Variants in KIDINS220 observed in about 807,000 individuals in gnomAD.
The protein encoded by KIDINS220 is kinase D-interacting substrate of 220 kDa.
KIDINS220 carries 63 observed loss-of-function variants against 157.6 expected under a neutral mutation model. The observed-to-expected ratio is 0.40, with a 90% CI of 0.33 to 0.49. The LOEUF (loss-of-function observed/expected upper bound fraction) is 0.49. KIDINS220 is among the 20% of genes least tolerant of loss of function. The probability of loss-of-function intolerance (pLI) is 0.66; values close to 1 mark genes in which losing one functional copy is unlikely to be tolerated. For missense variants in KIDINS220, 1,772 were observed against 2,171.2 expected (o/e 0.82, Z 3.65); for synonymous variants, 732 against 783.6 (o/e 0.93, Z 1.10).
chr2:8,764,851 A>C (rs1031267300), intron 22 of KIDINS220, among the ~76,000 whole-genome samples: 1 of 152,236 alleles, frequency 6.6e-6, no homozygotes, highest in African/African-American at 2.4e-5. Flanking sequence ...TAGAAGCAAA[A>C]AAATTCAGCA....
intron 13 of KIDINS220, 85 bp from the exon 14 acceptor site, chr2:8,790,144 C>A: frequency 2.4e-6 from 3 of 1,251,830 alleles, no homozygotes; most frequent in Non-Finnish European, 3.3e-6. Flanking sequence ...TTCACATTTT[C>A]AATGTAAACA....
intron 28 of KIDINS220, among the ~76,000 whole-genome samples, chr2:8,734,002 T>C (rs1006234392): frequency 6.6e-6 from 1 of 151,820 alleles, no homozygotes; most frequent in Non-Finnish European, 1.5e-5. Context: ...TGGCCAGGAG[T>C]AGGGCGGTAG....
In KIDINS220 at chr2:8,730,669, A is replaced by C; in HGVS notation, c.*51T>G. ...GGCGTGGATGGAGTCAAAATCCAGG[A>C]CAATTCTGTCATAAAGGTACAGTAA... On this transcript the variant is annotated 3_prime_UTR_variant, in exon 30 of 30. Transcript: ENST00000256707. 1 of 1,556,860 alleles carries C rather than the reference A, an allele frequency of 6.4e-7. No individual in the cohort carries two copies. Among genetic ancestry groups the C allele is most frequent in the South Asian group, 1.2e-5 (1 of 80,774 alleles).
rs774557577 is a variant in KIDINS220, at chr2:8,770,716, T to C, written c.2965A>G (p.Thr989Ala). 2.0e-5 allele frequency: 32 copies of C among 1,610,120 alleles called. No individual in the cohort carries two copies. In the Middle Eastern group the frequency reaches 4.9e-4, roughly 25 times the overall value. The change falls in exon 22 of 30, where the codon ACT (threonine) becomes GCT (alanine). Residue 989 changes from threonine to alanine, a missense_variant. This residue lies in a region of KIDINS220 where 725 missense variants were observed against 1,017.1 expected (regional missense o/e 0.71). Coordinates refer to ENST00000256707, the MANE Select transcript of KIDINS220 (RefSeq NM_020738.4). Reference sequence around the variant, plus strand: ...GTCATTTGATCTGGAATACCTTCAGTCTCTTCCAAATATAATATGAGCCAT... The same window carrying C: ...GTCATTTGATCTGGAATACCTTCAGCCTCTTCCAAATATAATATGAGCCAT... Reference protein sequence around the residue: ...TSWLILYLEETEGIPDQMTLK... With the variant: ...TSWLILYLEEAEGIPDQMTLK...
intron 4 of KIDINS220, among the ~76,000 whole-genome samples, chr2:8,814,905 C>A (rs1445956644): frequency 6.6e-6 from 1 of 152,112 alleles, no homozygotes; most frequent in Non-Finnish European, 1.5e-5. Context: ...TGCAACTGAA[C>A]ACGAGAAACA....
intron 21 of KIDINS220, among the ~76,000 whole-genome samples, chr2:8,775,996 C>T (rs769474248): frequency 3.3e-5 from 5 of 152,168 alleles, no homozygotes; most frequent in Non-Finnish European, 7.3e-5. Context: ...TAAATGAATA[C>T]ATATATGTTG....
intron 7 of KIDINS220, among the ~76,000 whole-genome samples, chr2:8,805,197 C>T (rs1553332039): frequency 6.6e-6 from 1 of 152,210 alleles, no homozygotes; most frequent in Non-Finnish European, 1.5e-5. Context: ...CCTCCCAGTA[C>T]GGGGATGTGT....
chr2:8,796,099 GA>G (rs955073641), intron 11 of KIDINS220, among the ~76,000 whole-genome samples: 83 of 152,102 alleles, frequency 5.5e-4, no homozygotes, highest in African/African-American at 1.9e-3. Flanking sequence ...ATAACTAATA[GA>G]AAAACAAACT....
chr2:8,724,781 C>G (rs1663170905), downstream of KIDINS220: 1 of 152,232 alleles, frequency 6.6e-6, no homozygotes, highest in African/African-American at 2.4e-5. This position sits in a 1 kb window ranked among gnomAD's most constrained non-coding sequence, Gnocchi z 4.6. Flanking sequence ...TGCACACCAC[C>G]ATTCCTGGCT....
intron 14 of KIDINS220, among the ~76,000 whole-genome samples, chr2:8,789,347 G>C (rs13411164): frequency 0.012 from 607 of 52,734 alleles, 1 homozygote; most frequent in Non-Finnish European, 0.028. Flanking sequence ...GAGAGCAGTG[G>C]CGCCATCTCG....
intron 2 of KIDINS220, among the ~76,000 whole-genome samples, chr2:8,825,147 G>A (rs1215093116): frequency 4.6e-5 from 7 of 152,018 alleles, no homozygotes; most frequent in African/African-American, 1.4e-4. Flanking sequence ...CGAGGTGGGC[G>A]AATCACTTGA....
intron 4 of KIDINS220, among the ~76,000 whole-genome samples, chr2:8,816,660 C>T (rs919188516): frequency 2.0e-5 from 3 of 152,178 alleles, no homozygotes; most frequent in Non-Finnish European, 2.9e-5. Context: ...TTCTACCTTT[C>T]GTACCAACAA....
intron 24 of KIDINS220, 65 bp from the exon 25 acceptor site, chr2:8,748,065 T>G: frequency 1.1e-6 from 1 of 945,310 alleles, no homozygotes; most frequent in South Asian, 2.3e-5. Context: ...AATGAGATTT[T>G]TCAAATGAAA....
Position 8,729,089 on chromosome 2 carries a change from T to A in KIDINS220, c.*1631A>T. ...TCTGAAATAATTCCTAATTATACAA[T>A]TTTGCAAATAAGCACTATAAATGTT... is the stretch of plus-strand genomic sequence containing the variant. On this transcript the variant is annotated 3_prime_UTR_variant, in exon 30 of 30. Transcript: ENST00000256707. 1 of 983,504 alleles carries A rather than the reference T, an allele frequency of 1.0e-6. No individual in the cohort carries two copies. Among genetic ancestry groups the A allele is most frequent in the South Asian group, 4.7e-5 (1 of 21,246 alleles). 60.9% of individuals were successfully genotyped at this position (983,504 alleles called of 1,614,324 possible). A position where few individuals can be genotyped will look rare whatever the true frequency, so the allele number is the denominator to read the frequency against.
At chr2:8,726,595 G>A (rs13400751), downstream of KIDINS220, among the ~76,000 whole-genome samples, 631 of 152,300 alleles carry the variant, frequency 4.1e-3, 1 homozygote, top group Non-Finnish European at 6.6e-3. Flanking sequence ...CGATTTTGTC[G>A]TGGGAGCATC....
intron 22 of KIDINS220, among the ~76,000 whole-genome samples, chr2:8,762,829 T>C (rs1350963086): frequency 2.0e-5 from 3 of 152,170 alleles, no homozygotes; most frequent in East Asian, 1.9e-4. Flanking sequence ...ATAGAAATGG[T>C]ATAAAGGCTT....
At chr2:8,784,566 TAAGAA>T (rs929201095) in intron 17 of KIDINS220, among the ~76,000 whole-genome samples, 5 of 151,938 alleles carry the variant, frequency 3.3e-5, no homozygotes, top group Admixed American at 2.6e-4. Flanking sequence ...AACTCAACAA[TAAGAA>T]AATGAACAAC....
chr2:8,773,224 CTACTGTATAGTCAGAATAATATTA>C (rs1479310927), intron 21 of KIDINS220, among the ~76,000 whole-genome samples: 1 of 152,192 alleles, frequency 6.6e-6, no homozygotes, highest in African/African-American at 2.4e-5. Context: ...ATTGGAAAGT[CTACTGTATAGTCAGAATAATATTA>C]GAGAAATTCG....
At position 8,729,566 on chromosome 2, in the gene KIDINS220, C is replaced by T. The variant is rs1663745092; in HGVS notation, c.*1154G>A. Reference sequence around the variant, plus strand: ...ATAATTAATGGAAAGTACACTTTTACAGTCACAGCACTTATATAGATATAT... The same window carrying T: ...ATAATTAATGGAAAGTACACTTTTATAGTCACAGCACTTATATAGATATAT... On this transcript the variant is annotated 3_prime_UTR_variant, in exon 30 of 30. Coordinates refer to ENST00000256707, the MANE Select transcript of KIDINS220 (RefSeq NM_020738.4). The T allele has an allele frequency of 1.0e-6, 1 of 977,470 alleles. No homozygotes were observed. The highest frequency in any genetic ancestry group is 1.2e-6 in the Non-Finnish European group (1 of 822,722). 60.5% of individuals were successfully genotyped at this position (977,470 alleles called of 1,614,324 possible).
Sources: allele counts gnomAD v4.1 joint callset (sites outside exome capture counted in the v4.1 genomes callset), GRCh38; gene constraint gnomAD v4.1.1; regional missense constraint gnomAD v4.1.1; non-coding constraint Gnocchi (gnomAD v3.1); transcripts MANE v1.5; gene names NCBI Gene and HGNC (gene_info 2026-07-23, HGNC 2026-07-21).